Variants in SIPA1L3 observed in about 807,000 individuals in gnomAD.
The protein encoded by SIPA1L3 is signal-induced proliferation-associated 1-like protein 3.
In SIPA1L3, 59 loss-of-function variants were observed where a neutral mutation model predicts 150.1. The ratio of observed to expected loss-of-function variants is 0.39; its 90% CI spans 0.32 to 0.49. SIPA1L3 has a LOEUF of 0.49. Among genes scored for constraint, SIPA1L3 ranks in the 20% least tolerant of loss-of-function variants. SIPA1L3 has a pLI of 0.86. For missense variants in SIPA1L3, 2,211 were observed against 2,489.5 expected (o/e 0.89, Z 2.38); for synonymous variants, 1,070 against 1,077.6 (o/e 0.99, Z 0.14).
chr19:37,960,121 T>C (rs916780712), intron 1 of SIPA1L3, among the ~76,000 whole-genome samples: 4 of 152,228 alleles, frequency 2.6e-5, no homozygotes, highest in African/African-American at 9.6e-5. Flanking sequence ...ATGTTTTTTC[T>C]TTCTTATTGT....
chr19:38,053,746 G>T (rs8106776), intron 2 of SIPA1L3, among the ~76,000 whole-genome samples: 61,223 of 151,294 alleles, frequency 0.4, 13,918 homozygotes, highest in African/African-American at 0.62. Flanking sequence ...TTTATTTTTT[G>T]GTAGAGACAG....
At chr19:38,112,469 C>G (rs1451644236) in intron 8 of SIPA1L3, among the ~76,000 whole-genome samples, 1 of 152,244 alleles carries the variant, frequency 6.6e-6, no homozygotes, top group Non-Finnish European at 1.5e-5. Context: ...GCTGACCTCC[C>G]TCCCTTCCGG....
chr19:38,026,544 G>A (rs905489200), intron 1 of SIPA1L3, among the ~76,000 whole-genome samples: 2 of 152,160 alleles, frequency 1.3e-5, no homozygotes, highest in Admixed American at 6.5e-5. Flanking sequence ...GCTGACTGAG[G>A]AAGAGAAATA....
At chr19:38,154,349 T>C (rs1318661724) in intron 13 of SIPA1L3, among the ~76,000 whole-genome samples, 1 of 152,260 alleles carries the variant, frequency 6.6e-6, no homozygotes, top group East Asian at 1.9e-4. Context: ...AACATTCTTG[T>C]GCCTGTCTTT....
At chr19:38,080,075 G>A (rs1052726389) in intron 2 of SIPA1L3, among the ~76,000 whole-genome samples, 5 of 152,218 alleles carry the variant, frequency 3.3e-5, no homozygotes, top group Admixed American at 6.5e-5. Flanking sequence ...AATGCAGTAA[G>A]TAGTCACTGG....
At chr19:38,050,132 G>A in intron 2 of SIPA1L3, among the ~76,000 whole-genome samples, 1 of 152,194 alleles carries the variant, frequency 6.6e-6, no homozygotes, top group East Asian at 1.9e-4. Context: ...GTATTTTGAG[G>A]ATTAAATGAG....
intron 7 of SIPA1L3, chr19:38,108,554 A>T (rs1049363040): frequency 6.6e-6 from 1 of 152,274 alleles, no homozygotes; most frequent in Non-Finnish European, 1.5e-5. Flanking sequence ...ACCATTCAAC[A>T]GTAGGAGTTG....
intron 8 of SIPA1L3, among the ~76,000 whole-genome samples, chr19:38,111,970 CA>C (rs1970764344): frequency 1.1e-5 from 1 of 94,468 alleles, no homozygotes; most frequent in African/African-American, 7.0e-5. Flanking sequence ...CACGTACATG[CA>C]CACACATGCA....
At chr19:38,112,478 G>A (rs907332940) in intron 8 of SIPA1L3, among the ~76,000 whole-genome samples, 15 of 152,040 alleles carry the variant, frequency 9.9e-5, no homozygotes, top group African/African-American at 3.1e-4. Context: ...CCTCCCTTCC[G>A]GGCTCGCCTC....
intron 2 of SIPA1L3, among the ~76,000 whole-genome samples, chr19:38,052,888 G>A (rs915066335): frequency 2.0e-5 from 3 of 152,218 alleles, no homozygotes; most frequent in African/African-American, 7.2e-5. Context: ...CCATCGCACT[G>A]GGCTGTGCCC....
intron 12 of SIPA1L3, among the ~76,000 whole-genome samples, chr19:38,143,198 A>G (rs1015875110): frequency 2.0e-5 from 3 of 152,116 alleles, no homozygotes; most frequent in Non-Finnish European, 4.4e-5. Context: ...CCCTCAGGAT[A>G]AACTTGGCAT....
intron 3 of SIPA1L3, among the ~76,000 whole-genome samples, chr19:38,083,519 A>C (rs965164453): frequency 6.6e-6 from 1 of 152,100 alleles, no homozygotes; most frequent in Non-Finnish European, 1.5e-5. Context: ...GTAGGCTGCT[A>C]AATGCAGTGG....
chr19:38,032,114 T>G (rs1184819459), intron 2 of SIPA1L3, among the ~76,000 whole-genome samples: 1 of 152,206 alleles, frequency 6.6e-6, no homozygotes, highest in Non-Finnish European at 1.5e-5. Flanking sequence ...GATGGCAGTT[T>G]TTGTGTGCCT....
intron 1 of SIPA1L3, among the ~76,000 whole-genome samples, chr19:38,018,633 G>A (rs984250419): frequency 6.6e-6 from 1 of 152,110 alleles, no homozygotes; most frequent in African/African-American, 2.4e-5. Flanking sequence ...TTGTATGGAG[G>A]TACCACATTT....
At chr19:37,951,174 A>G (rs983432994) in intron 1 of SIPA1L3, among the ~76,000 whole-genome samples, 10 of 152,258 alleles carry the variant, frequency 6.6e-5, no homozygotes, top group Non-Finnish European at 1.0e-4. Flanking sequence ...CCGTTAGATC[A>G]CAGTACCGTA....
intron 12 of SIPA1L3, among the ~76,000 whole-genome samples, chr19:38,146,272 T>TC (rs1971702402): frequency 6.6e-6 from 1 of 152,218 alleles, no homozygotes; most frequent in South Asian, 2.1e-4. Flanking sequence ...TTAAGGTTCA[T>TC]CCACGTTGTC....
At chr19:38,173,400 C>A (rs1266273311) in intron 15 of SIPA1L3, among the ~76,000 whole-genome samples, 5 of 152,268 alleles carry the variant, frequency 3.3e-5, no homozygotes, top group African/African-American at 7.2e-5. Flanking sequence ...TGCTGCCAGG[C>A]GCCAGTGCCT....
Position 38,082,057 on chromosome 19 carries a change from C to T in SIPA1L3, c.492C>T (p.Leu164=), listed in dbSNP as rs1568538895. 2 of 1,613,456 alleles carry T rather than the reference C, an allele frequency of 1.2e-6. No individual in the cohort carries two copies. The highest frequency in any genetic ancestry group is 2.2e-5 in the East Asian group (1 of 44,894). The stretch of plus-strand genomic sequence containing the variant: ...CCCGGTCCCCCGGCAGGGCCTTCCT[C>T]CCCCTTCGGCACCGCAGCAGCAGCG... The part of the protein sequence containing the change: ...GWPRSPGRAF[L]PLRHRSSSEI... The change falls in exon 3 of 22, where the codon CTC becomes CTT. Residue 164 remains leucine (L), a synonymous_variant. Transcript: ENST00000222345.
intron 2 of SIPA1L3, among the ~76,000 whole-genome samples, chr19:38,061,319 C>A (rs887657034): frequency 9.2e-5 from 14 of 152,146 alleles, no homozygotes; most frequent in African/African-American, 3.1e-4. Flanking sequence ...CTGCCTCGAC[C>A]TCCCAGCGTG....
Sources: gnomAD v4.1 joint callset for allele counts (sites outside exome capture counted in the v4.1 genomes callset) on GRCh38, gnomAD v4.1.1 for gene constraint, MANE v1.5 for transcripts, NCBI Gene and HGNC (gene_info 2026-07-23, HGNC 2026-07-21) for gene names.